The following LMX1B variants were observed in gnomAD, a reference collection of about 807,000 sequenced individuals.
The protein encoded by LMX1B is LIM homeobox transcription factor 1 beta.
A neutral mutation model predicts 51.4 loss-of-function variants in LMX1B; 12 were observed. The observed-to-expected ratio is 0.23, with a 90% CI of 0.15 to 0.38. The LOEUF (loss-of-function observed/expected upper bound fraction) is 0.38. LMX1B is among the 10% of genes least tolerant of loss of function. The probability of loss-of-function intolerance (pLI) is 1.00; values close to 1 mark genes in which losing one functional copy is unlikely to be tolerated. For missense variants in LMX1B, 445 were observed against 571.1 expected (o/e 0.78, Z 2.25); for synonymous variants, 237 against 235.4 (o/e 1.01, Z -0.06).
At position 126,671,566 on chromosome 9, in the gene LMX1B, C is replaced by T. The variant is rs961030010; in HGVS notation, c.327-19270C>T. On this transcript the variant is annotated intron_variant, in intron 2 of 7. Coordinates refer to ENST00000373474, the MANE Select transcript of LMX1B (RefSeq NM_001174147.2). This position sits in a 1 kb window ranked among gnomAD's most constrained non-coding sequence, Gnocchi z 4.4. Reference sequence around the variant, plus strand: ...CACTCCAGCCGGTATCCCGAGAGGCCGCAAAAACACAGACACCCCAGACGG... The same window carrying T: ...CACTCCAGCCGGTATCCCGAGAGGCTGCAAAAACACAGACACCCCAGACGG... Among the ~76,000 whole-genome samples, 7 of 152,210 alleles carry T rather than the reference C, an allele frequency of 4.6e-5. No homozygotes were observed. Among genetic ancestry groups the T allele is most frequent in the African/African-American group, 1.7e-4 (7 of 41,450 alleles).
At chr9:126,652,848 A>G (rs1836047242) in intron 2 of LMX1B, among the ~76,000 whole-genome samples, 2 of 152,174 alleles carry the variant, frequency 1.3e-5, no homozygotes, top group Admixed American at 1.3e-4. Context: ...AGCAGGGACA[A>G]TGGGGAAGAG....
rs561952388 is a variant in LMX1B at position 126,671,765 on chromosome 9, G to C, written c.327-19071G>C. Among the ~76,000 whole-genome samples the C allele has an allele frequency of 1.9e-3, 289 of 152,218 alleles. No homozygotes were observed. Among genetic ancestry groups the C allele is most frequent in the African/African-American group, 6.5e-3 (270 of 41,548 alleles). The stretch of plus-strand genomic sequence containing the variant: ...AGTGTAATATCCTGTGGGCTTACTC[G>C]GGGAGAGTGAGCGAGCCAGCTCCCT... On this transcript the variant is annotated intron_variant, in intron 2 of 7. Transcript: ENST00000373474. The surrounding 1 kb of genome is among the most constrained non-coding windows in gnomAD (Gnocchi z 4.4).
chr9:126,615,188 C>T lies in LMX1B; in HGVS notation c.140-195C>T, dbSNP rs1835277840. On this transcript the variant is annotated intron_variant, in intron 1 of 7. Transcript: ENST00000373474. The surrounding 1 kb of genome is among the most constrained non-coding windows in gnomAD (Gnocchi z 6.0). ...CTCGAGGCCCGCGGCCTCTCCACGCCGGAGCCCGAGGACTGGGACGGACTA... is the reference window on the plus strand; with the variant it reads ...CTCGAGGCCCGCGGCCTCTCCACGCTGGAGCCCGAGGACTGGGACGGACTA... Among the ~76,000 whole-genome samples, 1 of 151,880 alleles carries T rather than the reference C, an allele frequency of 6.6e-6. No individual in the cohort carries two copies. Among genetic ancestry groups the T allele is most frequent in the South Asian group, 2.1e-4 (1 of 4,828 alleles).
rs1284962095 is a variant in LMX1B, at chr9:126,698,655, G to C, written c.*2204G>C. 1.3e-5 allele frequency: 2 copies of C among 152,384 alleles called. No homozygotes were observed. The highest frequency in any genetic ancestry group is 4.8e-5 in the African/African-American group (2 of 41,438). The allele number at this position is 152,384 out of a possible 1,614,324, so 9.4% of individuals were successfully genotyped here. On this transcript the variant is annotated 3_prime_UTR_variant, in exon 8 of 8. Coordinates refer to ENST00000373474, the MANE Select transcript of LMX1B (RefSeq NM_001174147.2). ...ACCCTACCTTTAACTCTGAGGTCAA[G>C]CCCTAGGCCACCACCCTAAAGTCTG...
intron 2 of LMX1B, among the ~76,000 whole-genome samples, chr9:126,682,083 C>CT (rs71377953): frequency 0.11 from 5,812 of 53,202 alleles, 594 homozygotes; most frequent in East Asian, 0.27. Context: ...TCCCCAGGGT[C>CT]TTTTTTTTTT....
At chr9:126,693,105 C>A in intron 3 of LMX1B, 37 bp from the exon 4 acceptor site, 1 of 1,543,838 alleles carries the variant, frequency 6.5e-7, no homozygotes, top group Middle Eastern at 2.1e-4. Context: ...GGGCTGCCCC[C>A]GCCCCTTCAT....
At chr9:126,683,295 C>G (rs1416552684) in intron 2 of LMX1B, among the ~76,000 whole-genome samples, 1 of 151,592 alleles carries the variant, frequency 6.6e-6, no homozygotes, top group African/African-American at 2.4e-5. Flanking sequence ...CCGCGGCTCC[C>G]GCCGCCGCCC....
At chr9:126,640,985 G>T (rs1835797853) in intron 2 of LMX1B, 1 of 152,346 alleles carries the variant, frequency 6.6e-6, no homozygotes, top group Non-Finnish European at 1.5e-5. Flanking sequence ...AGCCTCTGGG[G>T]AAAAGGAGTT....
At position 126,691,016 on chromosome 9, in the gene LMX1B, C is replaced by G; in HGVS notation, c.507C>G (p.Tyr169Ter). ...KEGQLLCKGD[Y>*]EKEKDLLSSV... ...GCCAGCTGCTGTGCAAGGGTGACTACGAGAAGGAGAAGGACCTGCTCAGCT... is the reference window on the plus strand; with the variant it reads ...GCCAGCTGCTGTGCAAGGGTGACTAGGAGAAGGAGAAGGACCTGCTCAGCT... Residue 169 changes from tyrosine to a stop codon, truncating the protein, a stop_gained, in exon 3 of 8, where the codon TAC (tyrosine) becomes TAG (stop). Transcript: ENST00000373474. LOFTEE classifies it high-confidence loss of function. The G allele has an allele frequency of 6.2e-7, 1 of 1,613,982 alleles. No homozygotes were observed.
rs1487082643 is a variant in LMX1B at position 126,615,957 on chromosome 9, C to T, written c.326+388C>T. ...AGGCCTGGCGGACTGCTTCAAGGGC[C>T]TGGTGTGTGGGGGTTTGGGATTCCT... On this transcript the variant is annotated intron_variant, in intron 2 of 7. Coordinates refer to ENST00000373474, the MANE Select transcript of LMX1B (RefSeq NM_001174147.2). The surrounding 1 kb of genome is among the most constrained non-coding windows in gnomAD (Gnocchi z 6.0). Among the ~76,000 whole-genome samples the T allele has an allele frequency of 6.6e-6, 1 of 152,146 alleles. No individual in the cohort carries two copies. The highest frequency in any genetic ancestry group is 1.5e-5 in the Non-Finnish European group (1 of 68,024).
At chr9:126,680,276 C>T (rs1331457912) in intron 2 of LMX1B, among the ~76,000 whole-genome samples, 1 of 152,178 alleles carries the variant, frequency 6.6e-6, no homozygotes, top group African/African-American at 2.4e-5. Flanking sequence ...CAGGGAGGTC[C>T]AGGAAACCAA....
chr9:126,692,277 G>A (rs1203819947), intron 3 of LMX1B, among the ~76,000 whole-genome samples: 1 of 152,318 alleles, frequency 6.6e-6, no homozygotes, highest in East Asian at 1.9e-4. Context: ...GGGTCTCAGT[G>A]GGAGGAGATC....
chr9:126,668,348 C>T (rs1727924931), intron 2 of LMX1B, among the ~76,000 whole-genome samples: 1 of 152,082 alleles, frequency 6.6e-6, no homozygotes, highest in South Asian at 2.1e-4. Context: ...CATAACCTCC[C>T]ATTTTATAGA....
intron 2 of LMX1B, among the ~76,000 whole-genome samples, chr9:126,619,425 A>T (rs958423670): frequency 6.6e-6 from 1 of 151,778 alleles, no homozygotes; most frequent in African/African-American, 2.4e-5. Context: ...CTCAAGCAGC[A>T]CCCCTTCCCC....
chr9:126,697,144 G>C lies in LMX1B; in HGVS notation c.*693G>C, dbSNP rs915527983. ...CAGGGATGCTCAGCGGGTCTGTCCT[G>C]CCTTGTCAGAAAGAGAAAAGGAGGC... is the stretch of plus-strand genomic sequence containing the variant. On this transcript the variant is annotated 3_prime_UTR_variant, in exon 8 of 8. Transcript: ENST00000373474. The C allele has an allele frequency of 6.5e-6, 1 of 152,704 alleles. No homozygotes were observed. The highest frequency in any genetic ancestry group is 6.5e-5 in the Admixed American group (1 of 15,318). The allele number at this position is 152,704 out of a possible 1,614,324, so 9.5% of individuals were successfully genotyped here. A position where few individuals can be genotyped will look rare whatever the true frequency, so the allele number is the denominator to read the frequency against.
chr9:126,662,836 G>C (rs1836271547), intron 2 of LMX1B, among the ~76,000 whole-genome samples: 1 of 152,238 alleles, frequency 6.6e-6, no homozygotes, highest in African/African-American at 2.4e-5. Context: ...AGGTGGGGCT[G>C]TGCCACCGGG....
At position 126,696,474 on chromosome 9, in the gene LMX1B, C is replaced by T. The variant is rs1282219214; in HGVS notation, c.*23C>T. 6.2e-7 allele frequency: 1 copy of T among 1,613,334 alleles called. No homozygotes were observed. The highest frequency in any genetic ancestry group is 1.3e-5 in the African/African-American group (1 of 74,938). On this transcript the variant is annotated 3_prime_UTR_variant, in exon 8 of 8. Transcript: ENST00000373474. ...TGAGAGCCAGCCAGGCGCACGGACG[C>T]TTGGGCAGGGGCCTGGGGGGGACTG... is the stretch of plus-strand genomic sequence containing the variant.
chr9:126,642,563 C>G (rs1835828781), intron 2 of LMX1B, among the ~76,000 whole-genome samples: 1 of 152,212 alleles, frequency 6.6e-6, no homozygotes, highest in Non-Finnish European at 1.5e-5. Flanking sequence ...GGGGCTGGCC[C>G]TGCCTCCTCT....
At chr9:126,651,384 C>T (rs1227862538) in intron 2 of LMX1B, among the ~76,000 whole-genome samples, 1 of 150,156 alleles carries the variant, frequency 6.7e-6, no homozygotes, top group Admixed American at 6.7e-5. Flanking sequence ...CCTCAGCAGG[C>T]AGCTGGCAGG....
Sources: gnomAD v4.1 joint callset for allele counts (sites outside exome capture counted in the v4.1 genomes callset) on GRCh38, gnomAD v4.1.1 for gene constraint, Gnocchi (gnomAD v3.1) non-coding constraint, MANE v1.5 for transcripts, NCBI Gene and HGNC (gene_info 2026-07-23, HGNC 2026-07-21) for gene names.